The following AUTS2 variants were observed in gnomAD, a reference collection of about 807,000 sequenced individuals.
The protein encoded by AUTS2 is autism susceptibility gene 2 protein.
Under a neutral mutation model 112.4 loss-of-function variants are expected in AUTS2, and 17 were observed. That is an observed-to-expected ratio of 0.15 (90% CI 0.10 to 0.23). The LOEUF is 0.23. Among genes scored for constraint, AUTS2 ranks in the 10% least tolerant of loss-of-function variants. AUTS2 has a pLI of 1.00. For missense variants in AUTS2, 1,510 were observed against 1,701.6 expected (o/e 0.89, Z 1.98); for synonymous variants, 751 against 702.7 (o/e 1.07, Z -1.09).
chr7:70,177,752 A>G (rs1030125066), intron 4 of AUTS2, among the ~76,000 whole-genome samples: 1 of 152,072 alleles, frequency 6.6e-6, no homozygotes, highest in Non-Finnish European at 1.5e-5. Context: ...CTTTCTGTAT[A>G]CCACCCCACC....
intron 1 of AUTS2, among the ~76,000 whole-genome samples, chr7:69,876,756 C>T (rs1274655993): frequency 1.3e-5 from 2 of 151,624 alleles, no homozygotes; most frequent in Non-Finnish European, 2.9e-5. Flanking sequence ...GACCCTTTTC[C>T]AGTACATTGA....
At chr7:69,881,010 A>T (rs1794018906) in intron 1 of AUTS2, among the ~76,000 whole-genome samples, 1 of 152,206 alleles carries the variant, frequency 6.6e-6, no homozygotes, top group South Asian at 2.1e-4. Context: ...TAGAATCGCC[A>T]AGGTTCAGAC....
At chr7:70,741,946 C>T (rs370473549) in intron 6 of AUTS2, among the ~76,000 whole-genome samples, 2 of 152,152 alleles carry the variant, frequency 1.3e-5, no homozygotes, top group South Asian at 4.1e-4. Context: ...TTAATGTATT[C>T]CTGTGGGCTC....
chr7:70,346,956 G>T (rs1474800297), intron 4 of AUTS2, among the ~76,000 whole-genome samples: 2 of 152,166 alleles, frequency 1.3e-5, no homozygotes, highest in African/African-American at 2.4e-5. Context: ...ACATGAAGCA[G>T]TCTCCTTTCT....
At chr7:69,602,040 ATGTGTGTGTGTGTGTGTGTGTGTGTG>A (rs6150156) in intron 1 of AUTS2, among the ~76,000 whole-genome samples, 2,125 of 46,242 alleles carry the variant, frequency 0.046, 54 homozygotes, top group East Asian at 0.2. Flanking sequence ...ATATATATAT[ATGTGTGTGTGTGTGTGTGTGTGTGTG>A]TGTGTGTGTG....
chr7:70,154,337 G>A (rs1428291204), intron 4 of AUTS2, among the ~76,000 whole-genome samples: 2 of 152,248 alleles, frequency 1.3e-5, no homozygotes, highest in East Asian at 3.9e-4. Flanking sequence ...TTTTTCCTTT[G>A]ACTTGTGTGG....
At chr7:70,658,920 A>AT (rs1806920583) in intron 5 of AUTS2, among the ~76,000 whole-genome samples, 1 of 152,146 alleles carries the variant, frequency 6.6e-6, no homozygotes, top group African/African-American at 2.4e-5. Context: ...GGGAAATTTC[A>AT]TTTTTTAGTA....
chr7:69,649,570 G>T, intron 1 of AUTS2, among the ~76,000 whole-genome samples: 1 of 151,834 alleles, frequency 6.6e-6, no homozygotes, highest in African/African-American at 2.4e-5. Context: ...CCTTTCCGTG[G>T]CCAACTCAAA....
intron 5 of AUTS2, among the ~76,000 whole-genome samples, chr7:70,441,934 A>G (rs1796137812): frequency 1.3e-5 from 2 of 152,208 alleles, no homozygotes; most frequent in South Asian, 4.1e-4. Flanking sequence ...CATGTTTCAC[A>G]CTCGGTAAGG....
At chr7:69,862,500 C>A (rs940644520) in intron 1 of AUTS2, among the ~76,000 whole-genome samples, 1 of 152,122 alleles carries the variant, frequency 6.6e-6, no homozygotes, top group Non-Finnish European at 1.5e-5. Flanking sequence ...AGGTAAGTGT[C>A]CCTGTAGGAT....
chr7:70,592,419 A>G (rs745552272), intron 5 of AUTS2, among the ~76,000 whole-genome samples: 11 of 151,982 alleles, frequency 7.2e-5, no homozygotes, highest in Admixed American at 7.2e-4. Context: ...GCTGGAGTAC[A>G]GTTGCACAAT....
At chr7:70,325,589 G>C (rs1056639257) in intron 4 of AUTS2, among the ~76,000 whole-genome samples, 2 of 152,136 alleles carry the variant, frequency 1.3e-5, no homozygotes, top group Non-Finnish European at 2.9e-5. Context: ...TCAGAAGGTA[G>C]AATAAAAAGA....
At chr7:70,751,747 A>G (rs1477657183) in intron 6 of AUTS2, among the ~76,000 whole-genome samples, 6 of 152,028 alleles carry the variant, frequency 3.9e-5, no homozygotes, top group Admixed American at 1.3e-4. Context: ...TTGTGACAGA[A>G]TCTCACTCTG....
At chr7:69,965,889 T>A (rs1208173737) in intron 2 of AUTS2, among the ~76,000 whole-genome samples, 1 of 152,162 alleles carries the variant, frequency 6.6e-6, no homozygotes, top group African/African-American at 2.4e-5. Flanking sequence ...TACTATGCAC[T>A]TGTATAGCTG....
At chr7:69,991,751 C>T (rs1402891781) in intron 2 of AUTS2, among the ~76,000 whole-genome samples, 3 of 152,140 alleles carry the variant, frequency 2.0e-5, no homozygotes, top group Non-Finnish European at 2.9e-5. Flanking sequence ...TGAAACCATC[C>T]GATCTCAATC....
chr7:70,687,664 C>A (rs182153251), intron 5 of AUTS2, among the ~76,000 whole-genome samples: 1 of 152,134 alleles, frequency 6.6e-6, no homozygotes, highest in Non-Finnish European at 1.5e-5. Context: ...TGTAGCAACA[C>A]GGGCATATAA....
chr7:70,477,895 G>A (rs201628437), intron 5 of AUTS2, among the ~76,000 whole-genome samples: 1 of 150,980 alleles, frequency 6.6e-6, no homozygotes, highest in Non-Finnish European at 1.5e-5. Flanking sequence ...GTCATCCGGG[G>A]AACTGGACCA....
chr7:69,843,512 C>T (rs1012857026), intron 1 of AUTS2, among the ~76,000 whole-genome samples: 1 of 152,072 alleles, frequency 6.6e-6, no homozygotes, highest in Non-Finnish European at 1.5e-5. Flanking sequence ...TGATATAATG[C>T]CTGGAAAATA....
At chr7:69,725,662 A>G (rs1786474648) in intron 1 of AUTS2, among the ~76,000 whole-genome samples, 1 of 152,116 alleles carries the variant, frequency 6.6e-6, no homozygotes, top group Non-Finnish European at 1.5e-5. Context: ...GGGCTATGGG[A>G]AATGAGGGTC....
Sources: allele counts gnomAD v4.1 joint callset (sites outside exome capture counted in the v4.1 genomes callset), GRCh38; gene constraint gnomAD v4.1.1; transcripts MANE v1.5; gene names NCBI Gene and HGNC (gene_info 2026-07-23, HGNC 2026-07-21).